THADA: variants seen among roughly 807,000 people sequenced by gnomAD.
THADA encodes THADA armadillo repeat containing, also known as tRNA (32-2'-O)-methyltransferase regulator THADA.
A neutral mutation model predicts 219.8 loss-of-function variants in THADA; 213 were observed. The ratio of observed to expected loss-of-function variants is 0.97; its 90% CI spans 0.87 to 1.09. THADA has a LOEUF of 1.09. Among genes scored for constraint, THADA ranks in the 50% least tolerant of loss-of-function variants. The probability of loss-of-function intolerance (pLI) is 0.00; values close to 1 mark genes in which losing one functional copy is unlikely to be tolerated. For synonymous variants in THADA, 1,018 were observed against 828.9 expected (o/e 1.23, Z -3.92); for missense variants, 2,956 against 2,311.3 (o/e 1.28, Z -5.72).
chr2:43,487,315 C>T lies in THADA; in HGVS notation c.3745-1990G>A, dbSNP rs1573897291. Among the ~76,000 whole-genome samples, 3 of 152,194 alleles carry T rather than the reference C, an allele frequency of 2.0e-5. No individual in the cohort carries two copies. In the East Asian group the frequency reaches 5.8e-4, roughly 29 times the overall value. On this transcript the variant is annotated intron_variant, in intron 25 of 37. Transcript: ENST00000405975. ...AAGAAAAGGAAAACAGAAACACAGA[C>T]TCCATCTTGCCCTAAGCCATACTTT...
rs1201731424 is a variant in THADA, at chr2:43,574,413, G to T, written c.1652C>A (p.Pro551Gln). The T allele has an allele frequency of 1.2e-6, 2 of 1,610,094 alleles. No homozygotes were observed. The highest frequency in any genetic ancestry group is 2.7e-5 in the African/African-American group (2 of 74,850). Residue 551 changes from proline (P) to glutamine (Q), a missense_variant, in exon 11 of 38, where the codon CCA becomes CAA. Coordinates refer to ENST00000405975, the MANE Select transcript of THADA (RefSeq NM_022065.5). The part of the protein sequence containing the change: ...QKSYVIDYYL[P>Q]KLLSYSPESL... The stretch of plus-strand genomic sequence containing the variant: ...TTCAGGGCTGTAACTTAATAATTTT[G>T]GCAAGTAATAATCAATCACGTAAGA...
intron 28 of THADA, among the ~76,000 whole-genome samples, chr2:43,415,985 T>C (rs1573538989): frequency 1.3e-5 from 2 of 152,202 alleles, no homozygotes; most frequent in Non-Finnish European, 2.9e-5. Flanking sequence ...GGATAATAAA[T>C]GATTGAATTA....
At position 43,517,730 on chromosome 2, in the gene THADA, C is replaced by G. The variant is rs79980035; in HGVS notation, c.3375-8950G>C. Among the ~76,000 whole-genome samples the G allele has an allele frequency of 4.0e-3, 609 of 152,196 alleles. 7 individuals are homozygous for G. Among genetic ancestry groups the G allele is most frequent in the African/African-American group, 0.014 (567 of 41,544 alleles). ...AATCTTGAAGTTACCTACTAGGGTC[C>G]ATAAATATTAATGTGTGTACCATTT... On this transcript the variant is annotated intron_variant, in intron 22 of 37. Coordinates refer to ENST00000405975, the MANE Select transcript of THADA (RefSeq NM_022065.5).
chr2:43,353,517 G>A (rs1014232865), intron 29 of THADA, among the ~76,000 whole-genome samples: 84 of 152,058 alleles, frequency 5.5e-4, no homozygotes, highest in Non-Finnish European at 1.6e-4. Context: ...ATTCAAGTTC[G>A]TTGCCCATTT....
At chr2:43,360,672 ACTCT>A (rs1308433448) in intron 29 of THADA, among the ~76,000 whole-genome samples, 1 of 152,092 alleles carries the variant, frequency 6.6e-6, no homozygotes, top group Non-Finnish European at 1.5e-5. Flanking sequence ...TGAAACAATG[ACTCT>A]CTCTAAGCAA....
chr2:43,304,195 T>C (rs1300175407), intron 31 of THADA, among the ~76,000 whole-genome samples: 1 of 151,962 alleles, frequency 6.6e-6, no homozygotes, highest in Non-Finnish European at 1.5e-5. Flanking sequence ...GATTGTCTTG[T>C]GCCAAAATAA....
At chr2:43,417,037 CTTTTTT>C in intron 28 of THADA, among the ~76,000 whole-genome samples, 1 of 93,744 alleles carries the variant, frequency 1.1e-5, no homozygotes, top group Non-Finnish European at 2.1e-5. Context: ...TGGCTGTTTT[CTTTTTT>C]TTTTTTTTTT....
intron 36 of THADA, among the ~76,000 whole-genome samples, chr2:43,247,236 C>G (rs531980132): frequency 6.6e-6 from 1 of 152,092 alleles, no homozygotes; most frequent in Non-Finnish European, 1.5e-5. Flanking sequence ...TCAGACTACA[C>G]TGAAAATGGC....
Position 43,286,948 on chromosome 2 carries a change from A to C in THADA, c.5124T>G (p.Ser1708Arg). 6.2e-7 allele frequency: 1 copy of C among 1,613,930 alleles called. No homozygotes were observed. The highest frequency in any genetic ancestry group is 8.5e-7 in the Non-Finnish European group (1 of 1,179,872). The change falls in exon 35 of 38, where the codon AGT becomes AGG. Residue 1708 changes from serine to arginine, a missense_variant. Ser to Arg is a moderately radical substitution (Grantham distance 110, BLOSUM62 -1). Coordinates refer to ENST00000405975, the MANE Select transcript of THADA (RefSeq NM_022065.5). ...GGTTGGTGAGGAAAAGTGGTGTAGTACTGGTGAGGACTTCAACGACGGCCA... is the reference window on the plus strand; with the variant it reads ...GGTTGGTGAGGAAAAGTGGTGTAGTCCTGGTGAGGACTTCAACGACGGCCA... ...SRLAVVEVLT[S>R]TTPLFLTNPH...
intron 29 of THADA, among the ~76,000 whole-genome samples, chr2:43,353,678 T>C (rs1053290800): frequency 4.6e-5 from 7 of 152,168 alleles, no homozygotes; most frequent in East Asian, 1.9e-4. Flanking sequence ...TTTATTGAGA[T>C]GGAGTCTTGC....
chr2:43,577,528 AT>A (rs969840982), intron 9 of THADA, among the ~76,000 whole-genome samples: 67 of 146,876 alleles, frequency 4.6e-4, no homozygotes, highest in East Asian at 2.6e-3. Flanking sequence ...TTTGGTATGT[AT>A]TTTTTTTTTA....
chr2:43,420,560 C>A (rs1411315620), intron 28 of THADA, among the ~76,000 whole-genome samples: 1 of 152,184 alleles, frequency 6.6e-6, no homozygotes, highest in East Asian at 1.9e-4. Context: ...CCTAAACTGG[C>A]CTGTTGGGAT....
At chr2:43,465,743 C>G (rs1393161688) in intron 26 of THADA, among the ~76,000 whole-genome samples, 3 of 152,154 alleles carry the variant, frequency 2.0e-5, no homozygotes, top group Admixed American at 6.5e-5. Flanking sequence ...ACGGATGACT[C>G]CTTCATCTGA....
At chr2:43,508,971 T>A (rs1372514806) in intron 22 of THADA, among the ~76,000 whole-genome samples, 191 bp from the exon 23 acceptor site, 1 of 152,176 alleles carries the variant, frequency 6.6e-6, no homozygotes, top group Admixed American at 6.5e-5. Flanking sequence ...AGATTTCATT[T>A]CTAACAACTG....
Position 43,592,346 on chromosome 2 carries a change from A to G in THADA, c.47T>C (p.Ile16Thr), listed in dbSNP as rs1168574412. The stretch of plus-strand genomic sequence containing the variant: ...CAAAGTTTCAAGGTCCTGATGGCAA[A>G]TGGTCAGCGCAGCAACTTGCATTTC... ...KKEMQVAALT[I>T]CHQDLETLKS... Residue 16 changes from isoleucine (I) to threonine (T), a missense_variant, in exon 2 of 38, where the codon ATT becomes ACT. By Grantham distance (89) the Ile-to-Thr change is moderately conservative. Transcript: ENST00000405975. 1 of 1,608,732 alleles carries G rather than the reference A, an allele frequency of 6.2e-7. No individual in the cohort carries two copies. The highest frequency in any genetic ancestry group is 2.2e-5 in the East Asian group (1 of 44,822).
chr2:43,362,271 C>A (rs528669791), intron 29 of THADA, among the ~76,000 whole-genome samples: 113 of 152,244 alleles, frequency 7.4e-4, no homozygotes, highest in African/African-American at 2.6e-3. Flanking sequence ...CATTTGCAGT[C>A]CTACTTCAAA....
At chr2:43,547,658 C>G (rs569432028) in intron 20 of THADA, among the ~76,000 whole-genome samples, 1 of 152,192 alleles carries the variant, frequency 6.6e-6, no homozygotes, top group Non-Finnish European at 1.5e-5. Context: ...TGGATTGCAT[C>G]GGCTCCTGAG....
intron 36 of THADA, among the ~76,000 whole-genome samples, chr2:43,244,621 C>A (rs1374796211): frequency 1.3e-4 from 20 of 152,188 alleles, no homozygotes; most frequent in Admixed American, 1.3e-3. Context: ...GACAGCAGAG[C>A]AAGCAGTGGG....
chr2:43,552,705 A>C (rs1481756471), intron 17 of THADA, among the ~76,000 whole-genome samples: 1 of 152,224 alleles, frequency 6.6e-6, no homozygotes, highest in African/African-American at 2.4e-5. Context: ...CATATGCCAC[A>C]AAATTCATAC....
Sources: allele counts gnomAD v4.1 joint callset (sites outside exome capture counted in the v4.1 genomes callset), GRCh38; gene constraint gnomAD v4.1.1; transcripts MANE v1.5; gene names NCBI Gene and HGNC (gene_info 2026-07-23, HGNC 2026-07-21).